The following AHCYL2 variants were observed in gnomAD, a reference collection of about 807,000 sequenced individuals.
The protein encoded by AHCYL2 is S-adenosylhomocysteine hydrolase-like protein 2.
Under a neutral mutation model 81.4 loss-of-function variants are expected in AHCYL2, and 28 were observed. The ratio of observed to expected loss-of-function variants is 0.34; its 90% CI spans 0.25 to 0.47. The LOEUF is 0.47. Among genes scored for constraint, AHCYL2 ranks in the 20% least tolerant of loss-of-function variants. The probability of loss-of-function intolerance (pLI) is 1.00; values close to 1 mark genes in which losing one functional copy is unlikely to be tolerated. For missense variants in AHCYL2, 551 were observed against 785.1 expected, an observed-to-expected ratio of 0.70 and a Z score of 3.56; for synonymous variants, 272 against 290.2, an observed-to-expected ratio of 0.94 and a Z score of 0.64.
chr7:129,257,015 A>G (rs1795452866), intron 1 of AHCYL2, among the ~76,000 whole-genome samples: 1 of 152,176 alleles, frequency 6.6e-6, no homozygotes, highest in South Asian at 2.1e-4. Context: ...CTTTTGAGCA[A>G]CCTCAGAGGA....
intron 1 of AHCYL2, among the ~76,000 whole-genome samples, chr7:129,286,019 T>G (rs974526609): frequency 6.6e-6 from 1 of 151,996 alleles, no homozygotes; most frequent in Non-Finnish European, 1.5e-5. Context: ...GCCTAAATCC[T>G]CTATTTAAAC....
chr7:129,280,171 CTAAA>C (rs1214229999), intron 1 of AHCYL2, among the ~76,000 whole-genome samples: 1 of 33,284 alleles, frequency 3.0e-5, no homozygotes, highest in African/African-American at 6.6e-5. Context: ...TTTAAGTTTG[CTAAA>C]TACTTTTTTT....
intron 1 of AHCYL2, among the ~76,000 whole-genome samples, chr7:129,352,036 G>T (rs903950415): frequency 3.4e-5 from 2 of 59,386 alleles, no homozygotes; most frequent in Admixed American, 2.5e-4. Context: ...ATCAATCCTG[G>T]AGTATAATTT....
rs534989680 is a variant in AHCYL2, at chr7:129,371,240, T to C, written c.364-8398T>C. Among the ~76,000 whole-genome samples the C allele has an allele frequency of 3.3e-5, 5 of 152,358 alleles. No homozygotes were observed. The South Asian group carries it at 1.0e-3, about 32-fold the overall frequency. On this transcript the variant is annotated intron_variant, in intron 1 of 16. Coordinates refer to ENST00000325006, the MANE Select transcript of AHCYL2 (RefSeq NM_015328.4). ...ACTATCCCTGCCACCAAAGGAAATA[T>C]GAGAAGTCTCTCAAATCTTCTTTCA...
rs1797492001 is a variant in AHCYL2 at position 129,429,453 on chromosome 7, G to C, written c.*2408G>C. On this transcript the variant is annotated 3_prime_UTR_variant, in exon 17 of 17. Transcript: ENST00000325006. ...GGGAAAGAAGGCTACTTATCTCTTT[G>C]TATGTGGCTCCAGTCTGTGAGGATA... 6.6e-6 allele frequency: 1 copy of C among 152,168 alleles called. No homozygotes were observed. The highest frequency in any genetic ancestry group is 6.5e-5 in the Admixed American group (1 of 15,272). The allele number at this position is 152,168 out of a possible 1,614,324, so 9.4% of individuals were successfully genotyped here.
intron 13 of AHCYL2, 139 bp from the exon 14 acceptor site, chr7:129,424,735 T>TA: frequency 1.2e-6 from 1 of 807,906 alleles, no homozygotes; most frequent in East Asian, 2.5e-5. Flanking sequence ...TTAGTTCTTA[T>TA]ATATTGAATA....
intron 1 of AHCYL2, among the ~76,000 whole-genome samples, chr7:129,289,286 C>G (rs1027815087): frequency 1.3e-5 from 2 of 152,114 alleles, no homozygotes; most frequent in African/African-American, 4.8e-5. Context: ...GAGATGGGAT[C>G]TCACTATGTT....
intron 1 of AHCYL2, among the ~76,000 whole-genome samples, chr7:129,253,559 C>G (rs1050415898): frequency 6.6e-6 from 1 of 152,168 alleles, no homozygotes; most frequent in Non-Finnish European, 1.5e-5. Flanking sequence ...AAGACAGCAC[C>G]TCAGTTTCTC....
intron 1 of AHCYL2, among the ~76,000 whole-genome samples, chr7:129,359,171 C>T (rs1793846865): frequency 6.6e-6 from 1 of 151,926 alleles, no homozygotes; most frequent in Non-Finnish European, 1.5e-5. Context: ...TACTTTCCCA[C>T]AATATAAATA....
At chr7:129,373,045 C>G (rs1357893683) in intron 1 of AHCYL2, among the ~76,000 whole-genome samples, 1 of 152,024 alleles carries the variant, frequency 6.6e-6, no homozygotes, top group Non-Finnish European at 1.5e-5. Context: ...TCAGCGTCTC[C>G]CGGGGAGTTA....
At chr7:129,277,805 C>G (rs549302247) in intron 1 of AHCYL2, among the ~76,000 whole-genome samples, 2 of 152,302 alleles carry the variant, frequency 1.3e-5, no homozygotes, top group African/African-American at 4.8e-5. Flanking sequence ...GTAGTACCAT[C>G]GTATGGTTAG....
At position 129,266,183 on chromosome 7, in the gene AHCYL2, T is replaced by C. The variant is rs149958987; in HGVS notation, c.363+40744T>C. Among the ~76,000 whole-genome samples, 774 of 152,350 alleles carry C rather than the reference T, an allele frequency of 5.1e-3. 10 individuals are homozygous for C. Among genetic ancestry groups the C allele is most frequent in the African/African-American group, 0.018 (738 of 41,572 alleles). ...GTTTTCAATACATTCGCTATTTTGC[T>C]CAGCCAACAAATGACTGTTAACAAT... is the stretch of plus-strand genomic sequence containing the variant. On this transcript the variant is annotated intron_variant, in intron 1 of 16. Transcript: ENST00000325006.
At chr7:129,331,704 A>AGTGGCG (rs1584792089) in intron 1 of AHCYL2, among the ~76,000 whole-genome samples, 1 of 150,918 alleles carries the variant, frequency 6.6e-6, no homozygotes, top group East Asian at 2.2e-4. Flanking sequence ...TAGCCAGGCG[A>AGTGGCG]GGTAGCACAC....
intron 9 of AHCYL2, 101 bp downstream of exon 9, chr7:129,406,000 C>A: frequency 9.2e-7 from 1 of 1,087,536 alleles, no homozygotes; most frequent in Non-Finnish European, 1.3e-6. Flanking sequence ...CCCTTTACCA[C>A]TTTAGATGAG....
chr7:129,409,752 G>A (rs1049398116), intron 11 of AHCYL2, among the ~76,000 whole-genome samples: 1 of 152,060 alleles, frequency 6.6e-6, no homozygotes, highest in Admixed American at 6.6e-5. Flanking sequence ...ATGTAAAAAT[G>A]TTTCTCTTCA....
intron 1 of AHCYL2, among the ~76,000 whole-genome samples, chr7:129,246,193 G>A (rs934487514): frequency 6.6e-6 from 1 of 152,040 alleles, no homozygotes; most frequent in African/African-American, 2.4e-5. Context: ...CGAGTAGCTG[G>A]GATTACAGGC....
chr7:129,410,480 T>C, intron 11 of AHCYL2: 1 of 1,102,444 alleles, frequency 9.1e-7, no homozygotes, highest in Non-Finnish European at 1.4e-6. Context: ...AAACAAACAC[T>C]TCTTGTGTTC....
At chr7:129,329,071 C>G (rs557506129) in intron 1 of AHCYL2, among the ~76,000 whole-genome samples, 17 of 152,280 alleles carry the variant, frequency 1.1e-4, no homozygotes, top group African/African-American at 3.8e-4. Flanking sequence ...TTACCAAAGG[C>G]TTATGGTCAA....
chr7:129,299,372 T>G (rs1248561099), intron 1 of AHCYL2, among the ~76,000 whole-genome samples: 4 of 9,460 alleles, frequency 4.2e-4, no homozygotes, highest in African/African-American at 1.2e-3. Context: ...CCAACTTGTT[T>G]TTTTTTTTTT....
Sources: allele counts gnomAD v4.1 joint callset (sites outside exome capture counted in the v4.1 genomes callset), GRCh38; gene constraint gnomAD v4.1.1; transcripts MANE v1.5; gene names NCBI Gene and HGNC (gene_info 2026-07-23, HGNC 2026-07-21).